Variants in UGT2A1 observed in about 807,000 individuals in gnomAD.
UGT2A1 encodes the protein UDP glucuronosyltransferase family 2 member A1 complex locus.
UGT2A1 carries 61 observed loss-of-function variants against 45.4 expected under a neutral mutation model. The ratio of observed to expected loss-of-function variants is 1.34; its 90% CI spans 1.09 to 1.66. The LOEUF (loss-of-function observed/expected upper bound fraction) is 1.66, where lower values mean the gene tolerates loss of function less well. Ranked by LOEUF, UGT2A1 falls within the 40% of genes most tolerant of loss-of-function variation. The pLI is 0.00. For synonymous variants in UGT2A1, 229 were observed against 196.2 expected, an observed-to-expected ratio of 1.17 and a Z score of -1.40; for missense variants, 649 against 574.3, an observed-to-expected ratio of 1.13 and a Z score of -1.33.
intron 3 of UGT2A1, among the ~76,000 whole-genome samples, chr4:69,610,766 GA>G (rs1269042820): frequency 4.6e-5 from 7 of 152,204 alleles, no homozygotes; most frequent in Non-Finnish European, 7.4e-5. Flanking sequence ...AAAACTTCAA[GA>G]AAAAACAGAC....
rs755007065 is a variant in UGT2A1, at chr4:69,595,214, T to C, written c.1032A>G (p.Thr344=). ...LWRYKGKKPA[T]LGNNTQLFDW... ...CAAAGAGCTGAGTATTGTTTCCTAA[T>C]GTGGCTGGTTTCTTTCCTTTGTATC... Residue 344 remains threonine, a synonymous_variant, in exon 5 of 7, where the codon ACA becomes ACG. Coordinates refer to ENST00000286604, the MANE Select transcript of UGT2A1 (RefSeq NM_001252275.3). The C allele has an allele frequency of 5.0e-6, 8 of 1,613,744 alleles. No individual in the cohort carries two copies. The highest frequency in any genetic ancestry group is 2.2e-5 in the South Asian group (2 of 91,082).
chr4:69,621,668 T>C (rs1326791835), intron 3 of UGT2A1, among the ~76,000 whole-genome samples: 1 of 151,936 alleles, frequency 6.6e-6, no homozygotes, highest in Non-Finnish European at 1.5e-5. Flanking sequence ...CCGAAAGGAA[T>C]ATAAATCATT....
chr4:69,592,486 T>C (rs1680280145), intron 6 of UGT2A1, among the ~76,000 whole-genome samples: 1 of 152,000 alleles, frequency 6.6e-6, no homozygotes, highest in Non-Finnish European at 1.5e-5. Flanking sequence ...GAATATGATA[T>C]CAAAATTGAC....
intron 1 of UGT2A1, among the ~76,000 whole-genome samples, chr4:69,649,906 G>T (rs1722443843): frequency 2.6e-5 from 4 of 152,052 alleles, no homozygotes; most frequent in Admixed American, 2.6e-4. Context: ...AGTAACTCAG[G>T]TTAAGGGCCT....
chr4:69,646,927 T>A lies in UGT2A1; in HGVS notation c.715+3A>T, dbSNP rs1304736886. 6.5e-7 allele frequency: 1 copy of A among 1,542,936 alleles called. No homozygotes were observed. Among genetic ancestry groups the A allele is most frequent in the Admixed American group, 2.1e-5 (1 of 46,882 alleles). ...AGTAATAAAAACAAAATTTGTTACA[T>A]ACCTAAAGCTTTACTATAGTATGAA... On this transcript the variant is annotated splice_donor_region_variant and intron_variant, in intron 2 of 6. Transcript: ENST00000286604.
intron 3 of UGT2A1, among the ~76,000 whole-genome samples, chr4:69,601,081 T>C (rs6846404): frequency 0.39 from 59,974 of 151,894 alleles, 12,162 homozygotes; most frequent in African/African-American, 0.48. Flanking sequence ...GCTAGTGGAA[T>C]ACTGCAAATG....
At chr4:69,651,885 T>C (rs924472259) in intron 1 of UGT2A1, among the ~76,000 whole-genome samples, 4 of 152,126 alleles carry the variant, frequency 2.6e-5, no homozygotes, top group African/African-American at 7.2e-5. Flanking sequence ...AGAAGGGCAC[T>C]GCACATGTGG....
intron 2 of UGT2A1, chr4:69,639,366 A>G (rs1721919730): frequency 6.2e-7 from 1 of 1,613,686 alleles, no homozygotes; most frequent in Non-Finnish European, 8.5e-7. Flanking sequence ...TAAGGAATCT[A>G]TATTGCTCTT....
chr4:69,621,720 G>A (rs1286525488), intron 3 of UGT2A1, among the ~76,000 whole-genome samples: 1 of 151,794 alleles, frequency 6.6e-6, no homozygotes, highest in Admixed American at 6.6e-5. Context: ...ATTTCAGCAT[G>A]ATTCACAATA....
rs1313572972 is a variant in UGT2A1 at position 69,643,543 on chromosome 4, T to C, written c.715+3387A>G. On this transcript the variant is annotated intron_variant, in intron 2 of 6. Transcript: ENST00000286604. ...ATAGAAAATATATGTAAATCACTTA[T>C]CACAGTGGCTAGTGCATAGGAAGAT... Among the ~76,000 whole-genome samples, 8 of 151,664 alleles carry C rather than the reference T, an allele frequency of 5.3e-5. No homozygotes were observed. In the Admixed American group the frequency reaches 5.3e-4, roughly 10 times the overall value.
chr4:69,605,991 A>T (rs147772806), intron 3 of UGT2A1, among the ~76,000 whole-genome samples: 24,922 of 135,806 alleles, frequency 0.18, 6,021 homozygotes, highest in Non-Finnish European at 0.22. Flanking sequence ...TTCTACCAGA[A>T]GTACAAGGAG....
In UGT2A1 at chr4:69,594,483, TC is replaced by T; in HGVS notation, c.1297del (p.Glu433AsnfsTer9). On this transcript the variant is annotated frameshift_variant, in exon 6 of 7. Coordinates refer to ENST00000286604, the MANE Select transcript of UGT2A1 (RefSeq NM_001252275.3). LOFTEE classifies it high-confidence loss of function. Reference protein sequence around the residue: ...LLSALRTVINEPSYKENAMRL... With the variant: ...LLSALRTVINXPSYKENAMRL... ...TAGGAGCCTTAGTACTTACGAAGGTTCATTAATGACTGTTCTCAAAGCGCTA... is the reference window on the plus strand; with the variant it reads ...TAGGAGCCTTAGTACTTACGAAGGTTATTAATGACTGTTCTCAAAGCGCTA... 6.2e-7 allele frequency: 1 copy of T among 1,614,148 alleles called. No individual in the cohort carries two copies. Among genetic ancestry groups the T allele is most frequent in the South Asian group, 1.1e-5 (1 of 91,080 alleles).
At chr4:69,615,221 A>G (rs945015804) in intron 3 of UGT2A1, among the ~76,000 whole-genome samples, 9 of 152,002 alleles carry the variant, frequency 5.9e-5, no homozygotes, top group Non-Finnish European at 1.3e-4. Flanking sequence ...AAATCACTCT[A>G]ATTTAAATCT....
intron 1 of UGT2A1, among the ~76,000 whole-genome samples, chr4:69,652,386 C>G (rs1480294953): frequency 1.4e-5 from 2 of 146,866 alleles, no homozygotes; most frequent in East Asian, 4.1e-4. Flanking sequence ...CGGGTTCAAG[C>G]TATTCTCCTG....
chr4:69,636,632 A>G (rs1721726687), intron 2 of UGT2A1, among the ~76,000 whole-genome samples: 1 of 152,168 alleles, frequency 6.6e-6, no homozygotes, highest in African/African-American at 2.4e-5. Context: ...AAGGTTTAGT[A>G]CATACCAGAA....
intron 3 of UGT2A1, among the ~76,000 whole-genome samples, chr4:69,610,574 A>C (rs567847521): frequency 6.6e-6 from 1 of 152,308 alleles, no homozygotes; most frequent in South Asian, 2.1e-4. Flanking sequence ...TACTCCCCTA[A>C]AATTTGTATA....
At chr4:69,626,891 G>C (rs897592030) in intron 3 of UGT2A1, among the ~76,000 whole-genome samples, 14 of 151,538 alleles carry the variant, frequency 9.2e-5, no homozygotes, top group African/African-American at 3.4e-4. Context: ...GTATTCTTTT[G>C]AAATGGCTCC....
Position 69,625,328 on chromosome 4 carries a change from C to A in UGT2A1, c.847+10363G>T, listed in dbSNP as rs1016126461. ...CTTGGATCTATTTGTATATGGAATT[C>A]ACCAAATTTGAAAAATTTGGGGCCA... On this transcript the variant is annotated intron_variant, in intron 3 of 6. Transcript: ENST00000286604. Among the ~76,000 whole-genome samples, 8 of 150,720 alleles carry A rather than the reference C, an allele frequency of 5.3e-5. No individual in the cohort carries two copies. The Admixed American group carries it at 5.3e-4, about 10-fold the overall frequency.
chr4:69,650,065 C>G (rs1722452045), intron 1 of UGT2A1, among the ~76,000 whole-genome samples: 1 of 152,112 alleles, frequency 6.6e-6, no homozygotes, highest in Admixed American at 6.6e-5. Flanking sequence ...AAATGGCAAT[C>G]CTCTTGGGCC....
Sources: allele counts gnomAD v4.1 joint callset (sites outside exome capture counted in the v4.1 genomes callset), GRCh38; gene constraint gnomAD v4.1.1; transcripts MANE v1.5; gene names NCBI Gene and HGNC (gene_info 2026-07-23, HGNC 2026-07-21).